UBASH3B: variants seen among roughly 807,000 people sequenced by gnomAD.
The protein encoded by UBASH3B is ubiquitin-associated and SH3 domain-containing protein B.
A neutral mutation model predicts 83.4 loss-of-function variants in UBASH3B; 37 were observed. That is an observed-to-expected ratio of 0.44 (90% CI 0.34 to 0.58). The LOEUF (loss-of-function observed/expected upper bound fraction) is 0.58, where lower values mean the gene tolerates loss of function less well. UBASH3B is among the 20% of genes least tolerant of loss of function. UBASH3B has a pLI of 0.01. For synonymous variants in UBASH3B, 304 were observed against 318.3 expected (o/e 0.96, Z 0.48); for missense variants, 657 against 827.2 (o/e 0.79, Z 2.52).
chr11:122,693,574 C>T (rs75314218), intron 1 of UBASH3B, among the ~76,000 whole-genome samples: 4,870 of 152,158 alleles, frequency 0.032, 271 homozygotes, highest in African/African-American at 0.11. Flanking sequence ...GTAAATGAGG[C>T]TGAAATAAAG....
chr11:122,791,152 T>C (rs529017539), intron 6 of UBASH3B, among the ~76,000 whole-genome samples: 22 of 152,206 alleles, frequency 1.4e-4, no homozygotes, highest in Non-Finnish European at 2.6e-4. Context: ...CTGAGAACAA[T>C]GTCTGAAATT....
intron 1 of UBASH3B, among the ~76,000 whole-genome samples, chr11:122,696,445 G>T (rs2135924467): frequency 2.0e-5 from 3 of 151,254 alleles, no homozygotes; most frequent in Middle Eastern, 6.9e-3. Flanking sequence ...TGAGTAGCTT[G>T]GATTATAGGC....
intron 1 of UBASH3B, among the ~76,000 whole-genome samples, chr11:122,768,307 G>A (rs1054845957): frequency 2.6e-5 from 4 of 152,132 alleles, no homozygotes; most frequent in Non-Finnish European, 4.4e-5. Context: ...TGTCAAGAGG[G>A]CGCTCTGTGG....
intron 1 of UBASH3B, among the ~76,000 whole-genome samples, chr11:122,770,673 C>G (rs1860627295): frequency 6.6e-6 from 1 of 152,188 alleles, no homozygotes; most frequent in Admixed American, 6.5e-5. Context: ...TCGCCTGGAA[C>G]AATACTAAGC....
chr11:122,722,598 GCTT>G (rs1254098824), intron 1 of UBASH3B, among the ~76,000 whole-genome samples: 6 of 152,120 alleles, frequency 3.9e-5, no homozygotes, highest in South Asian at 4.1e-4. Flanking sequence ...AGAAAATTGG[GCTT>G]CTTTTCTGAA....
intron 3 of UBASH3B, 29 bp from the exon 4 acceptor site, chr11:122,779,468 G>C: frequency 6.2e-7 from 1 of 1,612,694 alleles, no homozygotes; most frequent in Non-Finnish European, 8.5e-7. Context: ...CCTTGTCTCT[G>C]AGTGAAGACT....
chr11:122,754,299 G>C (rs1029175319), intron 1 of UBASH3B, among the ~76,000 whole-genome samples: 1 of 152,188 alleles, frequency 6.6e-6, no homozygotes, highest in Non-Finnish European at 1.5e-5. Flanking sequence ...TCTGTCTTCT[G>C]CTCAAGGAAA....
chr11:122,685,683 A>AT (rs894277381), intron 1 of UBASH3B, among the ~76,000 whole-genome samples: 4 of 151,834 alleles, frequency 2.6e-5, no homozygotes, highest in East Asian at 1.9e-4. Flanking sequence ...TGCCCAGCTA[A>AT]TTTTTTTTAT....
At chr11:122,658,063 C>T (rs1366806245) in intron 1 of UBASH3B, among the ~76,000 whole-genome samples, 1 of 151,692 alleles carries the variant, frequency 6.6e-6, no homozygotes, top group South Asian at 2.1e-4. Context: ...GTAATCCCAG[C>T]TACTTGGGAG....
At chr11:122,727,721 T>C (rs1860768205) in intron 1 of UBASH3B, 2 of 152,234 alleles carry the variant, frequency 1.3e-5, no homozygotes, top group Admixed American at 6.5e-5. Flanking sequence ...TCTGGTTTCT[T>C]AGGTAGAGCA....
chr11:122,726,697 C>T (rs1860749059), intron 1 of UBASH3B, among the ~76,000 whole-genome samples: 1 of 152,156 alleles, frequency 6.6e-6, no homozygotes, highest in Non-Finnish European at 1.5e-5. Flanking sequence ...TCCTGTTTTC[C>T]CTTTCACTTG....
chr11:122,781,202 G>A (rs1007486054), intron 4 of UBASH3B, among the ~76,000 whole-genome samples: 3 of 143,778 alleles, frequency 2.1e-5, no homozygotes, highest in Non-Finnish European at 3.0e-5. Context: ...CCTCAGCGAC[G>A]GGACTAGTCT....
rs891393683 is a variant in UBASH3B, at chr11:122,806,015, C to T, written c.1596-395C>T. On this transcript the variant is annotated intron_variant, in intron 11 of 13. Transcript: ENST00000284273. The surrounding 1 kb of genome is among the most constrained non-coding windows in gnomAD (Gnocchi z 4.0). ...GGACCTAATATCTGCGTTTAAAACC[C>T]ATCCTTGCTGCTCTTGAAGAGAGGT... Among the ~76,000 whole-genome samples, 1 of 152,216 alleles carries T rather than the reference C, an allele frequency of 6.6e-6. No homozygotes were observed. Among genetic ancestry groups the T allele is most frequent in the Non-Finnish European group, 1.5e-5 (1 of 68,036 alleles).
chr11:122,753,578 C>A (rs565119857), intron 1 of UBASH3B, among the ~76,000 whole-genome samples: 25 of 146,946 alleles, frequency 1.7e-4, no homozygotes, highest in Non-Finnish European at 3.4e-4. Context: ...CTCACTGCAA[C>A]CTCCTCCTCC....
At chr11:122,695,067 G>A (rs575146853) in intron 1 of UBASH3B, among the ~76,000 whole-genome samples, 6 of 139,110 alleles carry the variant, frequency 4.3e-5, no homozygotes, top group African/African-American at 8.0e-5. Context: ...GGGTTCAAGC[G>A]ATTCTCCTGT....
At chr11:122,738,436 GAAGACAGGCTTTCAGTGGGAA>G (rs1413873001) in intron 1 of UBASH3B, among the ~76,000 whole-genome samples, 1 of 152,182 alleles carries the variant, frequency 6.6e-6, no homozygotes, top group African/African-American at 2.4e-5. Flanking sequence ...AGACAGAGGA[GAAGACAGGCTTTCAGTGGGAA>G]TAAAGTAAAG....
intron 1 of UBASH3B, among the ~76,000 whole-genome samples, chr11:122,690,167 CATATATAT>C (rs57203901): frequency 0.071 from 3,087 of 43,366 alleles, 200 homozygotes; most frequent in Non-Finnish European, 0.11. Context: ...GGCAGGAAAA[CATATATAT>C]ATATATATAT....
chr11:122,703,341 C>T (rs1363730907), intron 1 of UBASH3B, among the ~76,000 whole-genome samples: 5 of 151,918 alleles, frequency 3.3e-5, no homozygotes, highest in Non-Finnish European at 5.9e-5. Flanking sequence ...GCAGGAGAAT[C>T]GCTTGAACCC....
At chr11:122,722,314 G>C (rs990830610) in intron 1 of UBASH3B, among the ~76,000 whole-genome samples, 5 of 152,172 alleles carry the variant, frequency 3.3e-5, no homozygotes, top group East Asian at 1.9e-4. Flanking sequence ...TAGGTGTCCT[G>C]GTTCTCTCCT....
Sources: allele counts gnomAD v4.1 joint callset (sites outside exome capture counted in the v4.1 genomes callset), GRCh38; gene constraint gnomAD v4.1.1; non-coding constraint Gnocchi (gnomAD v3.1); transcripts MANE v1.5; gene names NCBI Gene and HGNC (gene_info 2026-07-23, HGNC 2026-07-21).